The following MAPK8IP1 variants were observed in gnomAD, a reference collection of about 807,000 sequenced individuals.
MAPK8IP1 encodes the protein C-Jun-amino-terminal kinase-interacting protein 1.
MAPK8IP1 carries 17 observed loss-of-function variants against 72.6 expected under a neutral mutation model. The observed-to-expected ratio is 0.23, with a 90% CI of 0.16 to 0.35. The LOEUF is 0.35. Ranked by LOEUF, MAPK8IP1 falls within the 10% of genes least tolerant of loss-of-function variation. The probability of loss-of-function intolerance (pLI) is 1.00; values close to 1 mark genes in which losing one functional copy is unlikely to be tolerated. For synonymous variants in MAPK8IP1, 401 were observed against 443.4 expected (o/e 0.90, Z 1.20); for missense variants, 789 against 1,009.7 (o/e 0.78, Z 2.96).
Position 45,898,107 on chromosome 11 carries a change from G to A in MAPK8IP1, c.124G>A (p.Glu42Lys). The A allele has an allele frequency of 6.2e-7, 1 of 1,613,604 alleles. No homozygotes were observed. Among genetic ancestry groups the A allele is most frequent in the Non-Finnish European group, 8.5e-7 (1 of 1,179,642 alleles). The change falls in exon 2 of 12, where the codon GAG (glutamate) becomes AAG (lysine). Residue 42 changes from glutamate to lysine, a missense_variant. By Grantham distance (56) the Glu-to-Lys change is moderately conservative. Transcript: ENST00000241014. ...NFRLTHDISL[E>K]EFEDEDLSEI... is the part of the protein sequence containing the mutation. ...CAGGCTCACCCATGACATCAGCCTG[G>A]AGGAGTTTGAGGATGAAGACCTCTC...
At chr11:45,893,761 G>T (rs1002685801) in intron 1 of MAPK8IP1, among the ~76,000 whole-genome samples, 1 of 151,270 alleles carries the variant, frequency 6.6e-6, no homozygotes, top group Non-Finnish European at 1.5e-5. Context: ...GGAGGGAACC[G>T]CCCTCTTTTC....
In MAPK8IP1 at chr11:45,906,358, A is replaced by G; in HGVS notation, c.*637A>G. ...TCAGGCGGGGAGGAGGAGCTGCCGC[A>G]AGGCCCTGTCCCAGCAGAAGAGGGA... is the stretch of plus-strand genomic sequence containing the variant. On this transcript the variant is annotated 3_prime_UTR_variant, in exon 12 of 12. Transcript: ENST00000241014. 1.9e-6 allele frequency: 1 copy of G among 532,924 alleles called. No homozygotes were observed. The highest frequency in any genetic ancestry group is 1.9e-5 in the African/African-American group (1 of 51,440). 33.0% of individuals were successfully genotyped at this position (532,924 alleles called of 1,614,324 possible).
chr11:45,890,852 G>C lies in MAPK8IP1; in HGVS notation c.101+4931G>C, dbSNP rs571622516. On this transcript the variant is annotated intron_variant, in intron 1 of 11. Transcript: ENST00000241014. ...GAGCTCAGAGGAGAGGATAGGGCTG[G>C]GGCCAAAGACCCTGGGAGTCTGAGT... 2.6e-5 allele frequency among the ~76,000 whole-genome samples: 4 copies of C among 152,282 alleles called. No individual in the cohort carries two copies. The South Asian group carries it at 8.3e-4, about 32-fold the overall frequency.
Position 45,885,831 on chromosome 11 carries a change from G to A in MAPK8IP1, c.11G>A (p.Arg4Gln). Residue 4 changes from arginine to glutamine, a missense_variant, in exon 1 of 12, where the codon CGA (arginine) becomes CAA (glutamine). By Grantham distance (43) the Arg-to-Gln change is conservative. Coordinates refer to ENST00000241014, the MANE Select transcript of MAPK8IP1 (RefSeq NM_005456.4). ...GGGCTGTGCCCGAGAATGGCGGAGC[G>A]AGAAAGCGGCGGCCTGGGAGGGGGG... MAE[R>Q]ESGGLGGGAA... 1.4e-6 allele frequency: 2 copies of A among 1,433,164 alleles called. No individual in the cohort carries two copies. The highest frequency in any genetic ancestry group is 1.8e-6 in the Non-Finnish European group (2 of 1,091,898). 88.8% of individuals were successfully genotyped at this position (1,433,164 alleles called of 1,614,324 possible).
chr11:45,896,755 A>G, intron 1 of MAPK8IP1: 21 of 1,486,734 alleles, frequency 1.4e-5, no homozygotes, highest in Non-Finnish European at 8.9e-7. Context: ...GGACGCAGAA[A>G]GACAGGCCCA....
intron 1 of MAPK8IP1, among the ~76,000 whole-genome samples, chr11:45,889,638 G>T (rs879517394): frequency 6.6e-6 from 1 of 152,042 alleles, no homozygotes; most frequent in African/African-American, 2.4e-5. Context: ...AAGGGGAATC[G>T]TGGATCTGAG....
Position 45,902,598 on chromosome 11 carries a change from C to T in MAPK8IP1, c.831C>T (p.Ala277=). ...IHYQADVRLE[A]TEEIYLTPVQ... is the part of the protein sequence containing the mutation. Reference sequence around the variant, plus strand: ...ACCAGGCCGATGTGCGACTAGAGGCCACTGAGGAGATCTACCTGACCCCAG... The same window carrying T: ...ACCAGGCCGATGTGCGACTAGAGGCTACTGAGGAGATCTACCTGACCCCAG... The change falls in exon 5 of 12, where the codon GCC becomes GCT. Residue 277 remains alanine (A), a synonymous_variant. Transcript: ENST00000241014. The surrounding 1 kb of genome is among the most constrained non-coding windows in gnomAD (Gnocchi z 9.3). 1 of 1,612,918 alleles carries T rather than the reference C, an allele frequency of 6.2e-7. No individual in the cohort carries two copies. The highest frequency in any genetic ancestry group is 1.7e-5 in the Admixed American group (1 of 60,020).
intron 1 of MAPK8IP1, among the ~76,000 whole-genome samples, chr11:45,891,729 C>T (rs77779873): frequency 1.6e-3 from 243 of 152,340 alleles, no homozygotes; most frequent in African/African-American, 4.6e-3. Context: ...ATCATATATG[C>T]TGTCTTTTTG....
intron 2 of MAPK8IP1, among the ~76,000 whole-genome samples, chr11:45,898,666 G>A (rs561443535): frequency 6.6e-6 from 1 of 152,324 alleles, no homozygotes; most frequent in Admixed American, 6.5e-5. Context: ...TATTACACCA[G>A]ACAGATGGCA....
intron 1 of MAPK8IP1, among the ~76,000 whole-genome samples, chr11:45,894,665 G>A (rs1379617565): frequency 1.3e-5 from 2 of 152,236 alleles, no homozygotes; most frequent in African/African-American, 4.8e-5. Flanking sequence ...GGAGGCAGAG[G>A]CTGTCCTGTG....
chr11:45,890,293 G>A (rs1039679737), intron 1 of MAPK8IP1, among the ~76,000 whole-genome samples: 17 of 152,350 alleles, frequency 1.1e-4, no homozygotes, highest in Non-Finnish European at 1.9e-4. Context: ...GATCCTCTAG[G>A]ACAGGGGTGT....
chr11:45,888,109 G>A (rs1296994312), intron 1 of MAPK8IP1, among the ~76,000 whole-genome samples: 2 of 152,218 alleles, frequency 1.3e-5, no homozygotes, highest in African/African-American at 2.4e-5. Context: ...GAGATAACAC[G>A]TGTTGAGTGT....
intron 1 of MAPK8IP1, among the ~76,000 whole-genome samples, chr11:45,896,357 G>A (rs1202547911): frequency 6.6e-6 from 1 of 152,252 alleles, no homozygotes; most frequent in African/African-American, 2.4e-5. Flanking sequence ...TTCTTAGGGT[G>A]TTTGGGAAGC....
intron 2 of MAPK8IP1, among the ~76,000 whole-genome samples, chr11:45,899,695 T>C (rs942257143): frequency 6.6e-6 from 1 of 152,158 alleles, no homozygotes; most frequent in African/African-American, 2.4e-5. Flanking sequence ...GTTCCTTGCT[T>C]GGCTGAGCCT....
intron 1 of MAPK8IP1, chr11:45,896,421 A>T: frequency 1.5e-6 from 1 of 666,378 alleles, no homozygotes; most frequent in Non-Finnish European, 1.9e-6. Flanking sequence ...CTTTAAAGCC[A>T]ACCAAGGGCT....
chr11:45,900,229 CG>C lies in MAPK8IP1; in HGVS notation c.304del (p.Asp102ThrfsTer76). On this transcript the variant is annotated frameshift_variant, in exon 3 of 12. Transcript: ENST00000241014. LOFTEE classifies it high-confidence loss of function. This position sits in a 1 kb window ranked among gnomAD's most constrained non-coding sequence, Gnocchi z 6.5. ...EMLQMDLIDA[T>X]GDTPGAEDDE... ...CTGCAGATGGACCTGATCGACGCGA[CG>C]GGGGACACTCCCGGGGCCGAGGACG... 3 of 1,331,462 alleles carry C rather than the reference CG, an allele frequency of 2.3e-6. No individual in the cohort carries two copies. The highest frequency in any genetic ancestry group is 2.9e-6 in the Non-Finnish European group (3 of 1,048,318). 82.5% of individuals were successfully genotyped at this position (1,331,462 alleles called of 1,614,324 possible).
At chr11:45,897,801 A>C (rs1276274507) in intron 1 of MAPK8IP1, among the ~76,000 whole-genome samples, 1 of 152,202 alleles carries the variant, frequency 6.6e-6, no homozygotes, top group Non-Finnish European at 1.5e-5. Flanking sequence ...CCTTCTAAGC[A>C]CTGCCTGCTG....
chr11:45,889,428 T>TAGG (rs1349880104), intron 1 of MAPK8IP1, among the ~76,000 whole-genome samples: 1 of 152,064 alleles, frequency 6.6e-6, no homozygotes, highest in East Asian at 1.9e-4. Flanking sequence ...TAAAAGAAAA[T>TAGG]TCAAAATTAA....
chr11:45,904,668 TCAG>T lies in MAPK8IP1; in HGVS notation c.1777-46_1777-44del. On this transcript the variant is annotated intron_variant, in intron 8 of 11. Transcript: ENST00000241014. This position sits in a 1 kb window ranked among gnomAD's most constrained non-coding sequence, Gnocchi z 6.4. ...GGCTCAGGCCCTGGGACAGGAGGGA[TCAG>T]CAGAGGAACAGACAGCAGCTGACGT... 6.2e-7 allele frequency: 1 copy of T among 1,603,990 alleles called. No homozygotes were observed. Among genetic ancestry groups the T allele is most frequent in the Non-Finnish European group, 8.5e-7 (1 of 1,171,324 alleles).
Sources: allele counts gnomAD v4.1 joint callset (sites outside exome capture counted in the v4.1 genomes callset), GRCh38; gene constraint gnomAD v4.1.1; non-coding constraint Gnocchi (gnomAD v3.1); transcripts MANE v1.5; gene names NCBI Gene and HGNC (gene_info 2026-07-23, HGNC 2026-07-21).